XKR9: variants seen among roughly 807,000 people sequenced by gnomAD.
The protein encoded by XKR9 is XK-related protein 9.
In XKR9, 32 loss-of-function variants were observed where a neutral mutation model predicts 32.0. The observed-to-expected ratio is 1.00, with a 90% CI of 0.76 to 1.34. XKR9 has a LOEUF of 1.34. XKR9 is among the 40% of genes most tolerant of loss of function. The pLI, the probability that XKR9 is intolerant of heterozygous loss-of-function variation, is 0.00. For missense variants in XKR9, 546 were observed against 429.7 expected, an observed-to-expected ratio of 1.27 and a Z score of -2.39; for synonymous variants, 168 against 143.4, an observed-to-expected ratio of 1.17 and a Z score of -1.22.
At chr8:70,775,303 A>C (rs1807504349) in intron 2 of XKR9, among the ~76,000 whole-genome samples, 1 of 152,030 alleles carries the variant, frequency 6.6e-6, no homozygotes, top group Non-Finnish European at 1.5e-5. Flanking sequence ...AAGTAGTATG[A>C]TTTTTATTTC....
chr8:70,740,481 C>G (rs1207626505), downstream of XKR9, among the ~76,000 whole-genome samples: 2 of 152,216 alleles, frequency 1.3e-5, no homozygotes, highest in Non-Finnish European at 2.9e-5. Flanking sequence ...CAAAGTCATT[C>G]TCTGTCCAGC....
chr8:70,791,665 G>A (rs369836645), downstream of XKR9, among the ~76,000 whole-genome samples: 1 of 152,018 alleles, frequency 6.6e-6, no homozygotes, highest in Non-Finnish European at 1.5e-5. Flanking sequence ...TATGCAGCAA[G>A]AAAGCACTCA....
the XKR9 span, among the ~76,000 whole-genome samples, chr8:70,863,159 C>G: frequency 1.3e-5 from 2 of 152,050 alleles, no homozygotes; most frequent in Admixed American, 6.6e-5. Context: ...AAAGACCTGT[C>G]AGATGTTGAG....
At chr8:70,858,456 G>T in the XKR9 span, among the ~76,000 whole-genome samples, 1 of 151,566 alleles carries the variant, frequency 6.6e-6, no homozygotes, top group African/African-American at 2.4e-5. Flanking sequence ...ACCACTCAAT[G>T]AAATAAAAGA....
At chr8:70,874,199 T>A in the XKR9 span, among the ~76,000 whole-genome samples, 12 of 152,198 alleles carry the variant, frequency 7.9e-5, no homozygotes, top group African/African-American at 2.9e-4. Flanking sequence ...ATTGTGATAT[T>A]TGCTTTATCG....
downstream of XKR9, chr8:70,735,971 A>G (rs1047226120): frequency 3.9e-5 from 6 of 152,216 alleles, no homozygotes; most frequent in African/African-American, 1.4e-4. Context: ...TCCTTTGGGT[A>G]TATACCCAGT....
intron 3 of XKR9, among the ~76,000 whole-genome samples, chr8:70,685,797 A>C (rs1477882838): frequency 5.1e-4 from 74 of 144,600 alleles, no homozygotes; most frequent in Middle Eastern, 8.4e-3. Flanking sequence ...TGATGAGTTA[A>C]TGGGTGCAGC....
intron 2 of XKR9, among the ~76,000 whole-genome samples, chr8:70,675,902 C>A (rs535223743): frequency 3.8e-4 from 58 of 152,332 alleles, no homozygotes; most frequent in African/African-American, 1.3e-3. Context: ...CTGCCTGTTA[C>A]TCAGTTCTAA....
the XKR9 span, among the ~76,000 whole-genome samples, chr8:71,032,768 A>G: frequency 1.4e-3 from 218 of 152,278 alleles, 1 homozygote; most frequent in African/African-American, 5.1e-3. Context: ...CCTCAAGGAA[A>G]CACTCCTTTA....
At chr8:70,851,128 T>A in the XKR9 span, among the ~76,000 whole-genome samples, 14 of 152,278 alleles carry the variant, frequency 9.2e-5, no homozygotes, top group African/African-American at 3.4e-4. Flanking sequence ...AGCATTCCTA[T>A]ACACCAATAA....
At chr8:70,671,239 G>C (rs1206275318) in intron 1 of XKR9, among the ~76,000 whole-genome samples, 1 of 152,088 alleles carries the variant, frequency 6.6e-6, no homozygotes, top group Non-Finnish European at 1.5e-5. Context: ...GTATGAATGA[G>C]AATATGTGAT....
the XKR9 span, among the ~76,000 whole-genome samples, chr8:70,854,177 C>T: frequency 6.6e-6 from 1 of 152,180 alleles, no homozygotes; most frequent in African/African-American, 2.4e-5. Context: ...TCCACATCCT[C>T]TCCAGCACCT....
At chr8:70,868,217 C>G in the XKR9 span, among the ~76,000 whole-genome samples, 6 of 152,156 alleles carry the variant, frequency 3.9e-5, no homozygotes, top group Admixed American at 2.0e-4. Context: ...GTTTGGGAGA[C>G]AGTGGCCCTC....
the XKR9 span, among the ~76,000 whole-genome samples, chr8:71,028,146 C>A: frequency 6.6e-6 from 1 of 152,108 alleles, no homozygotes; most frequent in Non-Finnish European, 1.5e-5. Context: ...CTGTAGATCA[C>A]CTTGGGTAGT....
chr8:71,020,522 G>GCACAA, the XKR9 span, among the ~76,000 whole-genome samples: 1 of 152,154 alleles, frequency 6.6e-6, no homozygotes, highest in Non-Finnish European at 1.5e-5. Flanking sequence ...ATAGTTTATT[G>GCACAA]TATAGGTCTG....
chr8:70,848,618 A>T, the XKR9 span, among the ~76,000 whole-genome samples: 1 of 152,110 alleles, frequency 6.6e-6, no homozygotes, highest in African/African-American at 2.4e-5. Context: ...TCATGCAAAA[A>T]TTGCCCAATT....
At chr8:70,879,308 G>A in the XKR9 span, among the ~76,000 whole-genome samples, 1 of 152,078 alleles carries the variant, frequency 6.6e-6, no homozygotes, top group Non-Finnish European at 1.5e-5. Context: ...ACTAAGAGCA[G>A]AGCAGAACTG....
At chr8:70,813,380 C>T in the XKR9 span, among the ~76,000 whole-genome samples, 166 of 152,124 alleles carry the variant, frequency 1.1e-3, 2 homozygotes, top group African/African-American at 3.7e-3. Context: ...CATAGGCATG[C>T]GCAAGGTCTT....
At chr8:70,813,551 G>A in the XKR9 span, among the ~76,000 whole-genome samples, 1 of 152,092 alleles carries the variant, frequency 6.6e-6, no homozygotes, top group South Asian at 2.1e-4. Context: ...ATCTGACAAA[G>A]GGCTAATATC....
Sources: allele counts gnomAD v4.1 joint callset (sites outside exome capture counted in the v4.1 genomes callset), GRCh38; gene constraint gnomAD v4.1.1; transcripts MANE v1.5; gene names NCBI Gene and HGNC (gene_info 2026-07-23, HGNC 2026-07-21).